The following LRTM1 variants were observed in gnomAD, a reference collection of about 807,000 sequenced individuals.
LRTM1 encodes leucine rich repeat transmembrane protein 1.
LRTM1 carries 38 observed loss-of-function variants against 32.4 expected under a neutral mutation model. The observed-to-expected ratio is 1.17, with a 90% CI of 0.91 to 1.54. LRTM1 has a LOEUF of 1.54. Among genes scored for constraint, LRTM1 ranks in the 40% most tolerant of loss-of-function variants. The probability of loss-of-function intolerance (pLI) is 0.00; values close to 1 mark genes in which losing one functional copy is unlikely to be tolerated. For missense variants in LRTM1, 466 were observed against 415.4 expected, an observed-to-expected ratio of 1.12 and a Z score of -1.06; for synonymous variants, 186 against 169.9, an observed-to-expected ratio of 1.09 and a Z score of -0.74.
At chr3:54,951,913 A>G (rs1354994483) in intron 1 of LRTM1, among the ~76,000 whole-genome samples, 1 of 152,028 alleles carries the variant, frequency 6.6e-6, no homozygotes, top group Non-Finnish European at 1.5e-5. Flanking sequence ...CAGTGACGCG[A>G]TCTCGGCTCA....
In LRTM1 at chr3:54,924,895, G is replaced by C. The variant is rs1449568560; in HGVS notation, c.328C>G (p.Leu110Val). Residue 110 changes from leucine (L) to valine (V), a missense_variant, in exon 2 of 3, where the codon CTC (leucine) becomes GTC (valine). By Grantham distance (32) the Leu-to-Val change is conservative. Transcript: ENST00000273286. The stretch of plus-strand genomic sequence containing the variant: ...AAAAGTCTGCTTTCCAGGGAAAGGA[G>C]TGAATTCTGGGTTAGATTTAAAACC... ...LQVLNLTQNS[L>V]LSLESRLFHS... The C allele has an allele frequency of 1.9e-6, 3 of 1,613,848 alleles. No homozygotes were observed. Among genetic ancestry groups the C allele is most frequent in the Non-Finnish European group, 2.5e-6 (3 of 1,179,756 alleles).
chr3:54,946,242 A>G (rs1701610328), intron 1 of LRTM1, among the ~76,000 whole-genome samples: 1 of 152,142 alleles, frequency 6.6e-6, no homozygotes, highest in Non-Finnish European at 1.5e-5. Flanking sequence ...CTGCAGGTTA[A>G]AAACCATTTC....
upstream of LRTM1, among the ~76,000 whole-genome samples, chr3:54,928,911 C>T (rs917820446): frequency 7.9e-5 from 12 of 152,160 alleles, no homozygotes; most frequent in African/African-American, 2.9e-4. Flanking sequence ...GGAACTTTCC[C>T]ACCAGGGACT....
intron 1 of LRTM1, among the ~76,000 whole-genome samples, chr3:54,954,247 G>C (rs1049351875): frequency 7.2e-5 from 11 of 152,180 alleles, no homozygotes; most frequent in African/African-American, 2.7e-4. Flanking sequence ...GGTCACCTTC[G>C]AGTCAGTCGG....
intron 1 of LRTM1, among the ~76,000 whole-genome samples, chr3:54,944,814 G>GT (rs1553925008): frequency 7.1e-4 from 79 of 111,410 alleles, no homozygotes; most frequent in East Asian, 2.4e-3. Flanking sequence ...TAGAGCTGGG[G>GT]GTGTGTGTGT....
chr3:54,919,922 C>A (rs1051365775), intron 2 of LRTM1, among the ~76,000 whole-genome samples: 2 of 152,174 alleles, frequency 1.3e-5, no homozygotes, highest in Admixed American at 6.5e-5. Flanking sequence ...CTCGCCACAT[C>A]CTCCTCTCAG....
chr3:54,935,949 A>G (rs755474035), intron 1 of LRTM1, among the ~76,000 whole-genome samples: 25 of 152,318 alleles, frequency 1.6e-4, no homozygotes, highest in South Asian at 4.1e-4. Context: ...TGTGAGTCCA[A>G]TCATTTCATT....
In LRTM1 at chr3:54,950,426, G is replaced by A. The variant is rs539355391; in HGVS notation, c.-222+16502C>T. 1.6e-4 allele frequency among the ~76,000 whole-genome samples: 24 copies of A among 152,268 alleles called. No individual in the cohort carries two copies. In the East Asian group the frequency reaches 4.6e-3, roughly 29 times the overall value. On this transcript the variant is annotated intron_variant, in intron 1 of 2. Transcript: ENST00000493075. ...TCCTCATTTTAGGGAACCTGTGTAT[G>A]CTGTGAAATTGCAGTGTTCCTTCCT...
intron 1 of LRTM1, among the ~76,000 whole-genome samples, chr3:54,950,889 A>C (rs1415205289): frequency 6.6e-6 from 1 of 152,190 alleles, no homozygotes; most frequent in African/African-American, 2.4e-5. Context: ...AGAGCCACAG[A>C]CAAGATGGGG....
chr3:54,939,644 G>C (rs1318961070), intron 1 of LRTM1, among the ~76,000 whole-genome samples: 3 of 152,232 alleles, frequency 2.0e-5, no homozygotes, highest in Admixed American at 1.3e-4. Flanking sequence ...CCATCCCCCA[G>C]AACGGAGCTA....
At chr3:54,962,349 C>A (rs1346839282) in intron 1 of LRTM1, among the ~76,000 whole-genome samples, 1 of 152,140 alleles carries the variant, frequency 6.6e-6, no homozygotes, top group Non-Finnish European at 1.5e-5. Context: ...AAGGAACATT[C>A]CTAGGAGTGG....
rs188847760 is a variant in LRTM1, at chr3:54,936,151, C to T, written c.-221-10936G>A. ...GAAAGGGTTAAACAGTTTTTTATCA[C>T]GAGAATCATAGCAAAAAAAAAAAAA... On this transcript the variant is annotated intron_variant, in intron 1 of 2. Transcript: ENST00000493075. Among the ~76,000 whole-genome samples the T allele has an allele frequency of 3.2e-4, 47 of 148,090 alleles. No homozygotes were observed. The East Asian group carries it at 5.1e-3, about 16-fold the overall frequency.
intron 1 of LRTM1, among the ~76,000 whole-genome samples, chr3:54,944,044 A>G (rs904972203): frequency 6.6e-5 from 10 of 152,128 alleles, no homozygotes; most frequent in African/African-American, 2.4e-4. Flanking sequence ...AATCATTTTG[A>G]ATTTTGAAGG....
chr3:54,934,800 T>C (rs1324664109), intron 1 of LRTM1, among the ~76,000 whole-genome samples: 3 of 152,140 alleles, frequency 2.0e-5, no homozygotes, highest in African/African-American at 7.2e-5. Context: ...GGCGCTATCG[T>C]AGCTCACTGC....
At chr3:54,951,962 C>T (rs1258877947) in intron 1 of LRTM1, among the ~76,000 whole-genome samples, 2 of 152,186 alleles carry the variant, frequency 1.3e-5, no homozygotes, top group African/African-American at 4.8e-5. Context: ...GATTCTCCTG[C>T]CTCAGCCTCC....
chr3:54,952,550 C>A (rs977123392), intron 1 of LRTM1, among the ~76,000 whole-genome samples: 3 of 152,180 alleles, frequency 2.0e-5, no homozygotes, highest in South Asian at 2.1e-4. Flanking sequence ...GAATGTCAAT[C>A]TTTTCTATAG....
At chr3:54,962,016 C>G (rs1702040830) in intron 1 of LRTM1, among the ~76,000 whole-genome samples, 1 of 151,978 alleles carries the variant, frequency 6.6e-6, no homozygotes. Context: ...CTCTCTCCCT[C>G]TTCCTGTAAA....
At chr3:54,952,426 T>C (rs1701780370) in intron 1 of LRTM1, among the ~76,000 whole-genome samples, 1 of 152,114 alleles carries the variant, frequency 6.6e-6, no homozygotes, top group Non-Finnish European at 1.5e-5. Context: ...TCTTAGGAGC[T>C]CTTTTTGGGC....
chr3:54,919,436 CA>C lies in LRTM1; in HGVS notation c.605-545del, dbSNP rs1456157306. Reference sequence around the variant, plus strand: ...GTCTTGGAGTGATCTGTGGATTTGACAATACTGGAAGTTTAGTTCCTGGAAT... The same window carrying C: ...GTCTTGGAGTGATCTGTGGATTTGACATACTGGAAGTTTAGTTCCTGGAAT... On this transcript the variant is annotated intron_variant, in intron 2 of 2. Transcript: ENST00000273286. 5.3e-5 allele frequency among the ~76,000 whole-genome samples: 8 copies of C among 152,326 alleles called. No individual in the cohort carries two copies. In the South Asian group the frequency reaches 6.2e-4, roughly 12 times the overall value.
Sources: allele counts gnomAD v4.1 joint callset (sites outside exome capture counted in the v4.1 genomes callset), GRCh38; gene constraint gnomAD v4.1.1; transcripts MANE v1.5; gene names NCBI Gene and HGNC (gene_info 2026-07-23, HGNC 2026-07-21).